Variants in CYSTM1 observed in about 807,000 individuals in gnomAD.
CYSTM1 encodes the protein cysteine rich transmembrane module containing 1.
Under a neutral mutation model 13.1 loss-of-function variants are expected in CYSTM1, and 4 were observed. That is an observed-to-expected ratio of 0.31 (90% CI 0.15 to 0.70). The LOEUF (loss-of-function observed/expected upper bound fraction) is 0.70. Ranked by LOEUF, CYSTM1 falls within the 30% of genes least tolerant of loss-of-function variation. CYSTM1 has a pLI of 0.72. For missense variants in CYSTM1, 96 were observed against 121.6 expected (o/e 0.79, Z 0.99); for synonymous variants, 36 against 42.7 (o/e 0.84, Z 0.62).
chr5:140,209,440 T>G (rs1178246259), intron 2 of CYSTM1, among the ~76,000 whole-genome samples: 1 of 151,112 alleles, frequency 6.6e-6, no homozygotes, highest in East Asian at 2.0e-4. Flanking sequence ...CTAATTTTTT[T>G]TTTTTTTGAG....
intron 1 of CYSTM1, among the ~76,000 whole-genome samples, chr5:140,184,554 CT>C (rs1265160502): frequency 6.6e-6 from 1 of 152,000 alleles, no homozygotes; most frequent in Non-Finnish European, 1.5e-5. Flanking sequence ...GATAGACCCG[CT>C]ATAAAAAGAA....
intron 1 of CYSTM1, among the ~76,000 whole-genome samples, chr5:140,176,923 G>A (rs955351300): frequency 6.6e-6 from 1 of 151,926 alleles, no homozygotes; most frequent in Non-Finnish European, 1.5e-5. Flanking sequence ...TAAAAAATAA[G>A]CCGGGCGTGG....
intron 2 of CYSTM1, among the ~76,000 whole-genome samples, chr5:140,196,185 C>G (rs775934946): frequency 3.9e-5 from 6 of 152,092 alleles, no homozygotes; most frequent in Non-Finnish European, 8.8e-5. Flanking sequence ...TAATGACTTG[C>G]CCAAGGTCAC....
chr5:140,224,773 A>C (rs1764529727), intron 2 of CYSTM1, among the ~76,000 whole-genome samples: 1 of 151,876 alleles, frequency 6.6e-6, no homozygotes, highest in South Asian at 2.1e-4. Flanking sequence ...CTCCCGCCTC[A>C]GCCTCCCAAA....
In CYSTM1 at chr5:140,177,077, A is replaced by AAACAAAAAAAAAACAAACAAAC. The variant is rs1426164911; in HGVS notation, c.-21+1794_-21+1795insCAAAAAAAAAACAAACAAACAA. On this transcript the variant is annotated intron_variant, in intron 1 of 2. Transcript: ENST00000261811. ...GAGCGAGACTCTGTCTCAAAAAAAA[A>AAACAAAAAAAAAACAAACAAAC]AAAAAAAAAATCTCTAGTCCTTTCC... Among the ~76,000 whole-genome samples the AAACAAAAAAAAAACAAACAAAC allele has an allele frequency of 4.0e-4, 61 of 151,120 alleles. 1 individual carries two copies. The highest frequency in any genetic ancestry group is 1.5e-3 in the African/African-American group (60 of 41,162).
At chr5:140,187,351 T>C (rs145269593) in intron 1 of CYSTM1, among the ~76,000 whole-genome samples, 56 of 151,504 alleles carry the variant, frequency 3.7e-4, no homozygotes, top group South Asian at 2.1e-3. Context: ...TCTGCTCTCA[T>C]AGTTTTTGTT....
At chr5:140,238,549 T>C (rs1429188833) in intron 2 of CYSTM1, among the ~76,000 whole-genome samples, 1 of 152,166 alleles carries the variant, frequency 6.6e-6, no homozygotes, top group Non-Finnish European at 1.5e-5. Context: ...CTTTAGGACA[T>C]TTTGTTCTCA....
At chr5:140,190,123 G>C (rs1458637409) in intron 1 of CYSTM1, among the ~76,000 whole-genome samples, 2 of 152,048 alleles carry the variant, frequency 1.3e-5, no homozygotes, top group Non-Finnish European at 2.9e-5. Context: ...CTGCTCTATT[G>C]ATCTGTTTTT....
chr5:140,216,013 G>A (rs1764421462), intron 2 of CYSTM1, among the ~76,000 whole-genome samples: 2 of 151,908 alleles, frequency 1.3e-5, no homozygotes, highest in African/African-American at 2.4e-5. Context: ...ATGGTGGCAC[G>A]TGCCTGTAGT....
At chr5:140,215,797 AAT>A (rs2126665516) in intron 2 of CYSTM1, among the ~76,000 whole-genome samples, 1 of 152,208 alleles carries the variant, frequency 6.6e-6, no homozygotes, top group East Asian at 1.9e-4. Context: ...AAATAAAAAA[AAT>A]AGTGTTGTTG....
At chr5:140,221,358 G>A (rs1764486599) in intron 2 of CYSTM1, among the ~76,000 whole-genome samples, 1 of 152,066 alleles carries the variant, frequency 6.6e-6, no homozygotes, top group Admixed American at 6.6e-5. Context: ...TGTCCCTGTT[G>A]AACAACAACT....
chr5:140,218,256 T>A (rs1005693408), intron 2 of CYSTM1, among the ~76,000 whole-genome samples: 1 of 152,178 alleles, frequency 6.6e-6, no homozygotes, highest in Admixed American at 6.5e-5. Context: ...ATGTCTCTTG[T>A]TCATTTTTCA....
At chr5:140,234,843 C>T (rs1764659666) in intron 2 of CYSTM1, among the ~76,000 whole-genome samples, 1 of 152,210 alleles carries the variant, frequency 6.6e-6, no homozygotes, top group Non-Finnish European at 1.5e-5. Flanking sequence ...TTGGAAAATC[C>T]TCCCTCCCTC....
At chr5:140,236,127 C>T (rs893979929) in intron 2 of CYSTM1, among the ~76,000 whole-genome samples, 3 of 152,220 alleles carry the variant, frequency 2.0e-5, no homozygotes, top group Non-Finnish European at 4.4e-5. Context: ...TTCCGTCTCT[C>T]ACCACTATGA....
chr5:140,221,798 G>A (rs1764495595), intron 2 of CYSTM1, among the ~76,000 whole-genome samples: 1 of 152,204 alleles, frequency 6.6e-6, no homozygotes, highest in Admixed American at 6.5e-5. Flanking sequence ...GCAAAAGTCA[G>A]CTTTACTCAC....
intron 2 of CYSTM1, among the ~76,000 whole-genome samples, chr5:140,206,638 G>C (rs553883264): frequency 1.6e-3 from 247 of 151,448 alleles, no homozygotes; most frequent in African/African-American, 5.5e-3. Flanking sequence ...TTGTTTGTTT[G>C]TTTCTTTTTT....
chr5:140,229,948 G>A (rs990458188), intron 2 of CYSTM1, among the ~76,000 whole-genome samples: 3 of 152,200 alleles, frequency 2.0e-5, no homozygotes, highest in African/African-American at 7.2e-5. Flanking sequence ...TCGGCTCACT[G>A]CAGCCTCTGC....
At chr5:140,186,560 A>G (rs1473405183) in intron 1 of CYSTM1, among the ~76,000 whole-genome samples, 1 of 152,200 alleles carries the variant, frequency 6.6e-6, no homozygotes, top group African/African-American at 2.4e-5. Context: ...AGTTATCTCT[A>G]CTTTGAGCTT....
intron 2 of CYSTM1, among the ~76,000 whole-genome samples, chr5:140,241,288 G>A (rs544546260): frequency 1.3e-5 from 2 of 152,374 alleles, no homozygotes; most frequent in African/African-American, 2.4e-5. Context: ...CCTCAGCCCT[G>A]TCTCTGGAGG....
Sources: gnomAD v4.1 joint callset for allele counts (sites outside exome capture counted in the v4.1 genomes callset) on GRCh38, gnomAD v4.1.1 for gene constraint, MANE v1.5 for transcripts, NCBI Gene and HGNC (gene_info 2026-07-23, HGNC 2026-07-21) for gene names.